Variants in LPP observed in about 807,000 individuals in gnomAD.
The protein encoded by LPP is lipoma-preferred partner.
LPP carries 38 observed loss-of-function variants against 60.4 expected under a neutral mutation model. That is an observed-to-expected ratio of 0.63 (90% CI 0.49 to 0.83). The LOEUF is 0.83. Among genes scored for constraint, LPP ranks in the 40% least tolerant of loss-of-function variants. LPP has a pLI of 0.00. For synonymous variants in LPP, 328 were observed against 290.8 expected (o/e 1.13, Z -1.30); for missense variants, 902 against 783.6 (o/e 1.15, Z -1.80).
chr3:188,509,972 C>T (rs1434711719), intron 5 of LPP, among the ~76,000 whole-genome samples: 1 of 150,238 alleles, frequency 6.7e-6, no homozygotes, highest in East Asian at 2.0e-4. Context: ...CTGCCTTGGC[C>T]TCCCAAAGTG....
intron 2 of LPP, among the ~76,000 whole-genome samples, chr3:188,289,801 C>G (rs1327605239): frequency 6.6e-6 from 1 of 152,118 alleles, no homozygotes; most frequent in Admixed American, 6.5e-5. Context: ...CCCTACTATG[C>G]TTCTTAGTGT....
At chr3:188,389,878 C>A (rs1212001635) in intron 3 of LPP, among the ~76,000 whole-genome samples, 1 of 151,860 alleles carries the variant, frequency 6.6e-6, no homozygotes, top group East Asian at 1.9e-4. Context: ...TCTGAACCTG[C>A]CTATCCCCTC....
chr3:188,573,256 C>A (rs1271308228), intron 6 of LPP, among the ~76,000 whole-genome samples: 1 of 152,074 alleles, frequency 6.6e-6, no homozygotes. Context: ...GCTTGTGTGA[C>A]ATTGATGTGT....
intron 7 of LPP, among the ~76,000 whole-genome samples, chr3:188,666,224 G>T (rs1250673776): frequency 6.6e-6 from 1 of 152,276 alleles, no homozygotes; most frequent in South Asian, 2.1e-4. Context: ...AAGCAAAATT[G>T]TGTGATTCTA....
chr3:188,540,516 T>C (rs1247970300), intron 6 of LPP, among the ~76,000 whole-genome samples: 2 of 152,194 alleles, frequency 1.3e-5, no homozygotes, highest in Non-Finnish European at 2.9e-5. Context: ...AGATATATTA[T>C]AGTAATTAAA....
intron 2 of LPP, among the ~76,000 whole-genome samples, chr3:188,335,482 GC>G: frequency 6.6e-6 from 1 of 152,254 alleles, no homozygotes; most frequent in East Asian, 1.9e-4. Flanking sequence ...AGAGATCCTG[GC>G]CTATAATTTT....
At chr3:188,755,162 T>C (rs1396564947) in intron 8 of LPP, among the ~76,000 whole-genome samples, 1 of 152,222 alleles carries the variant, frequency 6.6e-6, no homozygotes, top group Non-Finnish European at 1.5e-5. Flanking sequence ...TATTTAAAGG[T>C]ACAATATTAA....
chr3:188,265,870 GGTGTGTGTGTGTGT>G (rs55722565), intron 2 of LPP, among the ~76,000 whole-genome samples: 4 of 143,432 alleles, frequency 2.8e-5, no homozygotes, highest in Non-Finnish European at 6.1e-5. Context: ...GGATTACTCT[GGTGTGTGTGTGTGT>G]GTGTGTGTGT....
At chr3:188,375,248 A>C (rs1023050119) in intron 3 of LPP, among the ~76,000 whole-genome samples, 50 of 152,072 alleles carry the variant, frequency 3.3e-4, no homozygotes, top group African/African-American at 4.8e-4. Context: ...GATTCCCTCT[A>C]TTTCTGTTGA....
intron 4 of LPP, among the ~76,000 whole-genome samples, chr3:188,475,904 AAAAC>A (rs1017816372): frequency 7.2e-5 from 11 of 152,330 alleles, no homozygotes; most frequent in African/African-American, 1.4e-4. Flanking sequence ...CTCTGTCTCA[AAAAC>A]AAACAAACAA....
At chr3:188,269,279 T>C (rs1305814093) in intron 2 of LPP, among the ~76,000 whole-genome samples, 1 of 152,262 alleles carries the variant, frequency 6.6e-6, no homozygotes, top group African/African-American at 2.4e-5. Context: ...CTTAACCCTA[T>C]TGAACTGTGT....
rs148321755 is a variant in LPP at position 188,872,439 on chromosome 3, G to A, written c.1590-204G>A. 3.9e-5 allele frequency among the ~76,000 whole-genome samples: 6 copies of A among 152,210 alleles called. No homozygotes were observed. In the East Asian group the frequency reaches 9.7e-4, roughly 24 times the overall value. On this transcript the variant is annotated intron_variant, in intron 10 of 11. Coordinates refer to ENST00000617246, the MANE Select transcript of LPP (RefSeq NM_001375462.1). ...CTCTTCATGCCCAAGCAATTCACACGCTCACTCTCTCACCTCGCCAAATAT... is the reference window on the plus strand; with the variant it reads ...CTCTTCATGCCCAAGCAATTCACACACTCACTCTCTCACCTCGCCAAATAT...
At chr3:188,834,324 G>GTTTTTTTTT (rs71867135) in intron 9 of LPP, among the ~76,000 whole-genome samples, 3 of 34,094 alleles carry the variant, frequency 8.8e-5, no homozygotes, top group African/African-American at 2.7e-4. Context: ...CTTTTTGGGT[G>GTTTTTTTTT]TTTTTTTTTT....
intron 2 of LPP, among the ~76,000 whole-genome samples, chr3:188,267,763 G>T (rs546266354): frequency 2.0e-5 from 3 of 152,318 alleles, no homozygotes; most frequent in Non-Finnish European, 4.4e-5. Context: ...CTGGTTTCTT[G>T]ACATGGGCTT....
intron 2 of LPP, among the ~76,000 whole-genome samples, chr3:188,311,671 T>C (rs1560232335): frequency 6.6e-6 from 1 of 151,902 alleles, no homozygotes. Flanking sequence ...TTTTCTGTCT[T>C]GCTGTCACCC....
intron 9 of LPP, among the ~76,000 whole-genome samples, chr3:188,806,185 A>G (rs910353592): frequency 1.3e-5 from 2 of 151,842 alleles, no homozygotes; most frequent in African/African-American, 2.4e-5. Flanking sequence ...AACTTTGAGC[A>G]TAATTGTAGG....
At chr3:188,827,117 T>C (rs1347290454) in intron 9 of LPP, among the ~76,000 whole-genome samples, 2 of 152,156 alleles carry the variant, frequency 1.3e-5, no homozygotes, top group Non-Finnish European at 2.9e-5. Flanking sequence ...AATGGATTAT[T>C]AGAGCTGGCA....
At chr3:188,203,814 G>C (rs1261095621) in intron 1 of LPP, among the ~76,000 whole-genome samples, 3 of 151,110 alleles carry the variant, frequency 2.0e-5, no homozygotes, top group African/African-American at 7.3e-5. Flanking sequence ...TGGGGGAAGA[G>C]AGAGTGGTGT....
chr3:188,597,136 C>T (rs1840142962), intron 6 of LPP, among the ~76,000 whole-genome samples: 2 of 152,160 alleles, frequency 1.3e-5, no homozygotes, highest in South Asian at 4.1e-4. Flanking sequence ...CCTCTGAAGA[C>T]CTTCTCACTT....
Sources: allele counts gnomAD v4.1 joint callset (sites outside exome capture counted in the v4.1 genomes callset), GRCh38; gene constraint gnomAD v4.1.1; transcripts MANE v1.5; gene names NCBI Gene and HGNC (gene_info 2026-07-23, HGNC 2026-07-21).